FRMPD4: variants seen among roughly 807,000 people sequenced by gnomAD.
FRMPD4 encodes the protein FERM and PDZ domain-containing protein 4.
In FRMPD4, 22 loss-of-function variants were observed where a neutral mutation model predicts 94.1. The observed-to-expected ratio is 0.23, with a 90% confidence interval of 0.17 to 0.33. The LOEUF is 0.33. FRMPD4 is among the 10% of genes least tolerant of loss of function. The probability of loss-of-function intolerance (pLI) is 1.00; values close to 1 mark genes in which losing one functional copy is unlikely to be tolerated. For missense variants in FRMPD4, 1,111 were observed against 1,339.9 expected (o/e 0.83, Z 2.67); for synonymous variants, 631 against 548.6 (o/e 1.15, Z -2.10).
chrX:12,529,957 G>A (rs1197918551), intron 2 of FRMPD4, among the ~76,000 whole-genome samples: 1 of 110,398 alleles, frequency 9.1e-6, no homozygotes, highest in Non-Finnish European at 1.9e-5. Flanking sequence ...TCTTTTATAA[G>A]AACCCTAATC....
chrX:12,290,786 C>T (rs1216640563), intron 1 of FRMPD4, among the ~76,000 whole-genome samples: 1 of 110,938 alleles, frequency 9.0e-6, no homozygotes, highest in African/African-American at 3.3e-5. Flanking sequence ...CTTGACACTC[C>T]CCATTGTAAT....
chrX:11,828,960 A>G (rs192174437), intron 1 of FRMPD4, among the ~76,000 whole-genome samples: 35 of 112,179 alleles, frequency 3.1e-4, no homozygotes, highest in African/African-American at 1.1e-3. Context: ...CTCAAGCTCC[A>G]TGAAGAGCTG....
intron 3 of FRMPD4, among the ~76,000 whole-genome samples, chrX:12,021,105 C>T (rs896957953): frequency 2.3e-4 from 26 of 111,791 alleles, no homozygotes; most frequent in African/African-American, 8.4e-4. Context: ...TAGATATACC[C>T]ACGAGTCAAT....
chrX:11,875,424 C>T (rs2053777587), intron 2 of FRMPD4, among the ~76,000 whole-genome samples: 1 of 111,372 alleles, frequency 9.0e-6, no homozygotes, highest in Non-Finnish European at 1.9e-5. Context: ...AAGAAAAATC[C>T]ACAACCTACA....
At chrX:11,974,422 G>A (rs5935211) in intron 3 of FRMPD4, among the ~76,000 whole-genome samples, 1,353 of 111,845 alleles carry the variant, frequency 0.012, 5 homozygotes, top group South Asian at 0.02. Flanking sequence ...GCAGCCTGAG[G>A]CCTTCACCTG....
intron 3 of FRMPD4, among the ~76,000 whole-genome samples, chrX:12,049,945 T>C (rs2054807782): frequency 8.9e-6 from 1 of 111,967 alleles, no homozygotes; most frequent in South Asian, 3.7e-4. Context: ...AGAAAATATT[T>C]TGTACAGCTC....
intron 3 of FRMPD4, among the ~76,000 whole-genome samples, chrX:12,122,689 G>A (rs1274924655): frequency 9.1e-6 from 1 of 109,697 alleles, no homozygotes; most frequent in Non-Finnish European, 1.9e-5. Flanking sequence ...CAGATCAACT[G>A]ATACTTTATA....
intron 2 of FRMPD4, among the ~76,000 whole-genome samples, chrX:11,875,733 C>T (rs868590859): frequency 4.6e-4 from 51 of 110,843 alleles, no homozygotes; most frequent in Middle Eastern, 4.6e-3. Flanking sequence ...ACTCAATACC[C>T]TCTCCCATAG....
intron 1 of FRMPD4, among the ~76,000 whole-genome samples, chrX:12,457,617 A>T (rs2148148978): frequency 8.9e-6 from 1 of 111,999 alleles, no homozygotes; most frequent in East Asian, 2.8e-4. Flanking sequence ...CCAGGATTCA[A>T]CTTCCTGGGG....
intron 1 of FRMPD4, among the ~76,000 whole-genome samples, chrX:12,345,154 ATGG>A (rs1347114095): frequency 2.8e-5 from 3 of 108,999 alleles, no homozygotes; most frequent in Non-Finnish European, 5.7e-5. Context: ...GGATGGATGG[ATGG>A]ATGGATGGAT....
At chrX:12,085,448 G>A (rs1025927542) in intron 3 of FRMPD4, among the ~76,000 whole-genome samples, 13 of 110,540 alleles carry the variant, frequency 1.2e-4, no homozygotes, top group Non-Finnish European at 2.3e-4. Flanking sequence ...GTGGGTGGGA[G>A]GATCTCTTGA....
At position 12,322,031 on chromosome X, in the gene FRMPD4, C is replaced by T. The variant is rs919697136; in HGVS notation, c.42-176649C>T. Among the ~76,000 whole-genome samples the T allele has an allele frequency of 6.3e-5, 7 of 111,865 alleles. No homozygotes were observed. The South Asian group carries it at 1.5e-3, about 24-fold the overall frequency. On this transcript the variant is annotated intron_variant, in intron 1 of 16. Transcript: ENST00000675598. ...GGGTTTGTGTCAGAGCTGAGAAACACTGAGTTGAGAAAACTCCCAGTTGTA... is the reference window on the plus strand; with the variant it reads ...GGGTTTGTGTCAGAGCTGAGAAACATTGAGTTGAGAAAACTCCCAGTTGTA...
chrX:11,922,427 A>G (rs1451744319), intron 3 of FRMPD4, among the ~76,000 whole-genome samples: 1 of 111,584 alleles, frequency 9.0e-6, no homozygotes, highest in Admixed American at 9.5e-5. Context: ...ACCTACCCCC[A>G]TCATCCAGTC....
intron 2 of FRMPD4, among the ~76,000 whole-genome samples, chrX:12,525,985 C>G (rs1262732299): frequency 2.7e-5 from 3 of 112,844 alleles, no homozygotes; most frequent in Non-Finnish European, 5.6e-5. Context: ...GGTCATTCAT[C>G]TTCCAATTAA....
chrX:12,718,771 C>G lies in FRMPD4; in HGVS notation c.3945C>G (p.Pro1315=). Residue 1315 remains proline (P), a synonymous_variant, in exon 16 of 17, where the codon CCC becomes CCG. Coordinates refer to ENST00000675598, the MANE Select transcript of FRMPD4 (RefSeq NM_001368397.1). ...TGAGAGATGGATGCCATCGGCTCCCCAAGATTAAGGAAACCACAGGTACAG... is the reference window on the plus strand; with the variant it reads ...TGAGAGATGGATGCCATCGGCTCCCGAAGATTAAGGAAACCACAGGTACAG... ...GTLRDGCHRL[P]KIKETTALTE... 2 of 1,192,800 alleles carry G rather than the reference C, an allele frequency of 1.7e-6. No individual in the cohort carries two copies. Among genetic ancestry groups the G allele is most frequent in the Non-Finnish European group, 2.3e-6 (2 of 879,057 alleles).
At chrX:12,023,598 C>A (rs1171224408) in intron 3 of FRMPD4, among the ~76,000 whole-genome samples, 2 of 111,994 alleles carry the variant, frequency 1.8e-5, no homozygotes, top group East Asian at 5.6e-4. Context: ...CTGATGGTGT[C>A]TTCATGCAAA....
intron 2 of FRMPD4, among the ~76,000 whole-genome samples, chrX:11,872,839 G>A (rs1163071435): frequency 8.9e-6 from 1 of 112,336 alleles, no homozygotes; most frequent in East Asian, 2.8e-4. Flanking sequence ...TGAAATTACT[G>A]AAGAGCCAAC....
At chrX:11,854,182 C>T (rs1364821271) in intron 1 of FRMPD4, among the ~76,000 whole-genome samples, 1 of 111,215 alleles carries the variant, frequency 9.0e-6, no homozygotes, top group East Asian at 2.8e-4. Flanking sequence ...CTTGTGAGAA[C>T]TAACTCCCTA....
chrX:12,708,933 A>G (rs1276601152), intron 13 of FRMPD4: 1 of 113,796 alleles, frequency 8.8e-6, no homozygotes, highest in Non-Finnish European at 1.9e-5. Flanking sequence ...GAGGGTTTTC[A>G]TGGCAAGCTG....
Sources: allele counts gnomAD v4.1 joint callset (sites outside exome capture counted in the v4.1 genomes callset), GRCh38; gene constraint gnomAD v4.1.1; transcripts MANE v1.5; gene names NCBI Gene and HGNC (gene_info 2026-07-23, HGNC 2026-07-21).